EYS: variants seen among roughly 807,000 people sequenced by gnomAD.
The protein encoded by EYS is protein eyes shut homolog.
EYS carries 250 observed loss-of-function variants against 282.1 expected under a neutral mutation model. The ratio of observed to expected loss-of-function variants is 0.89; its 90% confidence interval spans 0.80 to 0.98. The LOEUF is 0.98. Among genes scored for constraint, EYS ranks in the 50% least tolerant of loss-of-function variants. EYS has a pLI of 0.00. For synonymous variants in EYS, 1,355 were observed against 1,282.9 expected (o/e 1.06, Z -1.20); for missense variants, 4,016 against 3,709.0 (o/e 1.08, Z -2.15).
intron 26 of EYS, among the ~76,000 whole-genome samples, chr6:64,489,492 A>T (rs1393700971): frequency 1.3e-5 from 2 of 148,650 alleles, no homozygotes; most frequent in Non-Finnish European, 3.0e-5. Context: ...AATATTGGAA[A>T]TATAAAAATT....
At chr6:65,083,934 T>G (rs1237781010) in intron 12 of EYS, among the ~76,000 whole-genome samples, 2 of 151,792 alleles carry the variant, frequency 1.3e-5, no homozygotes, top group Non-Finnish European at 2.9e-5. Context: ...TTCTCAGATA[T>G]AAATGTTCAT....
intron 22 of EYS, among the ~76,000 whole-genome samples, chr6:64,628,367 C>T (rs913685240): frequency 2.6e-5 from 4 of 151,820 alleles, no homozygotes; most frequent in African/African-American, 7.3e-5. Context: ...ATTGTCTTTC[C>T]TTGAATATCA....
chr6:65,053,699 G>A (rs902926906), intron 13 of EYS, among the ~76,000 whole-genome samples: 28 of 151,880 alleles, frequency 1.8e-4, no homozygotes, highest in Admixed American at 1.1e-3. Flanking sequence ...CATATACTCT[G>A]TACTTGCGTC....
At position 65,099,171 on chromosome 6, in the gene EYS, TTAAA is replaced by T. The variant is rs371883944; in HGVS notation, c.2024-41448_2024-41445del. 4.0e-5 allele frequency among the ~76,000 whole-genome samples: 6 copies of T among 150,640 alleles called. No individual in the cohort carries two copies. The East Asian group carries it at 7.7e-4, about 19-fold the overall frequency. On this transcript the variant is annotated intron_variant, in intron 12 of 42. Transcript: ENST00000503581. The stretch of plus-strand genomic sequence containing the variant: ...TATGTGTTCACCAAATTCAAACACC[TTAAA>T]TAATCTATATTTATAAATTATATGT...
chr6:63,750,332 T>G (rs1001792273), intron 41 of EYS, among the ~76,000 whole-genome samples: 3 of 152,182 alleles, frequency 2.0e-5, no homozygotes, highest in African/African-American at 7.2e-5. Flanking sequence ...GCCTTGTAAT[T>G]TTTTGCTTGG....
chr6:64,515,919 C>T (rs886484016), intron 26 of EYS, among the ~76,000 whole-genome samples: 1 of 151,676 alleles, frequency 6.6e-6, no homozygotes, highest in Non-Finnish European at 1.5e-5. Context: ...TATAGCCGAA[C>T]TTTAAGTAAT....
intron 33 of EYS, among the ~76,000 whole-genome samples, chr6:64,020,277 T>C (rs1250476662): frequency 6.6e-6 from 1 of 152,202 alleles, no homozygotes; most frequent in African/African-American, 2.4e-5. Context: ...CTAAGTATCC[T>C]GACTTGATTT....
intron 35 of EYS, among the ~76,000 whole-genome samples, chr6:63,947,473 G>A (rs1025613033): frequency 6.6e-6 from 1 of 151,768 alleles, no homozygotes; most frequent in African/African-American, 2.4e-5. Context: ...ACATTTTGCT[G>A]GATTTTGATT....
intron 31 of EYS, among the ~76,000 whole-genome samples, chr6:64,149,374 C>T (rs1043789985): frequency 3.2e-4 from 49 of 152,150 alleles, no homozygotes; most frequent in African/African-American, 1.2e-3. Flanking sequence ...TTAATAGAGA[C>T]GCGATGAAGA....
chr6:64,104,747 CT>C (rs11374423), intron 31 of EYS, among the ~76,000 whole-genome samples: 3,214 of 133,502 alleles, frequency 0.024, 51 homozygotes, highest in Middle Eastern at 0.055. Flanking sequence ...TTCTGGCAAG[CT>C]TTTTTTTTTT....
chr6:64,031,586 C>T (rs1385611302), intron 33 of EYS, among the ~76,000 whole-genome samples: 1 of 152,246 alleles, frequency 6.6e-6, no homozygotes, highest in African/African-American at 2.4e-5. Context: ...AGCGGGGCTC[C>T]TGAGTCTGGT....
At chr6:64,644,034 A>C (rs1768269157) in intron 22 of EYS, among the ~76,000 whole-genome samples, 1 of 152,184 alleles carries the variant, frequency 6.6e-6, no homozygotes, top group Non-Finnish European at 1.5e-5. Context: ...TGGAAGTGAG[A>C]ATTTTACTCA....
intron 16 of EYS, among the ~76,000 whole-genome samples, chr6:64,906,890 TAGAAA>T (rs1318251651): frequency 6.6e-6 from 1 of 152,138 alleles, no homozygotes; most frequent in Non-Finnish European, 1.5e-5. Flanking sequence ...AAAAGAACAT[TAGAAA>T]AGAAATTATT....
At chr6:65,627,495 C>G (rs983243756) in intron 2 of EYS, among the ~76,000 whole-genome samples, 2 of 152,128 alleles carry the variant, frequency 1.3e-5, no homozygotes, top group African/African-American at 4.8e-5. Flanking sequence ...AAGGCTGGAG[C>G]CCACTCCCTC....
intron 30 of EYS, among the ~76,000 whole-genome samples, chr6:64,258,906 C>T (rs9362646): frequency 0.69 from 104,445 of 151,788 alleles, 35,944 homozygotes; most frequent in South Asian, 0.71. Context: ...AGATGGAATT[C>T]AGGTAGATCA....
chr6:64,710,393 C>G (rs560418713), intron 22 of EYS, among the ~76,000 whole-genome samples: 1 of 152,222 alleles, frequency 6.6e-6, no homozygotes. Context: ...CATCCCTTCA[C>G]CTGCATAGGG....
At chr6:65,203,555 A>T (rs62407244) in intron 12 of EYS, among the ~76,000 whole-genome samples, 36,427 of 152,090 alleles carry the variant, frequency 0.24, 4,506 homozygotes, top group Middle Eastern at 0.28. Context: ...CAACAGTCAC[A>T]CTCTCAAGGA....
intron 35 of EYS, among the ~76,000 whole-genome samples, chr6:63,936,824 G>C (rs1033161870): frequency 1.3e-5 from 2 of 152,108 alleles, no homozygotes; most frequent in Admixed American, 1.3e-4. Context: ...ATGAGATTCA[G>C]GTATCTTTCT....
chr6:65,525,962 T>C (rs1767542986), intron 2 of EYS, among the ~76,000 whole-genome samples: 2 of 152,234 alleles, frequency 1.3e-5, no homozygotes, highest in African/African-American at 4.8e-5. Flanking sequence ...TTTCTTTTGC[T>C]ATAATTACAA....
Sources: allele counts gnomAD v4.1 joint callset (sites outside exome capture counted in the v4.1 genomes callset), GRCh38; gene constraint gnomAD v4.1.1; transcripts MANE v1.5; gene names NCBI Gene and HGNC (gene_info 2026-07-23, HGNC 2026-07-21).